SYT14: variants seen among roughly 807,000 people sequenced by gnomAD.
SYT14 encodes synaptotagmin-14.
In SYT14, 32 loss-of-function variants were observed where a neutral mutation model predicts 74.2. That is an observed-to-expected ratio of 0.43 (90% CI 0.33 to 0.58). The LOEUF is 0.58. Among genes scored for constraint, SYT14 ranks in the 20% least tolerant of loss-of-function variants. SYT14 has a pLI of 0.05. For missense variants in SYT14, 791 were observed against 981.8 expected (o/e 0.81, Z 2.60); for synonymous variants, 298 against 337.7 (o/e 0.88, Z 1.29).
At chr1:209,943,508 C>CAAAAAA (rs58806792) in intron 1 of SYT14, among the ~76,000 whole-genome samples, 51 of 59,338 alleles carry the variant, frequency 8.6e-4, no homozygotes, top group East Asian at 1.2e-3. Context: ...GATTCAATCT[C>CAAAAAA]AAAAAAAAAA....
intron 7 of SYT14, among the ~76,000 whole-genome samples, chr1:210,111,255 C>T (rs2082256777): frequency 1.3e-5 from 2 of 151,806 alleles, no homozygotes; most frequent in African/African-American, 4.8e-5. Flanking sequence ...AAATTACAGT[C>T]AAAGGGGGTT....
chr1:210,142,760 C>G lies in SYT14; in HGVS notation c.2035-12961C>G, dbSNP rs574355573. Among the ~76,000 whole-genome samples the G allele has an allele frequency of 9.9e-5, 15 of 151,108 alleles. No individual in the cohort carries two copies. In the South Asian group the frequency reaches 3.1e-3, roughly 31 times the overall value. On this transcript the variant is annotated intron_variant, in intron 7 of 9. Transcript: ENST00000637265. ...CTGTGCCTGCTCTCTGCACCCCTTCCTCCCCCATTTCCCACTGTTTGCATT... is the reference window on the plus strand; with the variant it reads ...CTGTGCCTGCTCTCTGCACCCCTTCGTCCCCCATTTCCCACTGTTTGCATT...
At chr1:209,990,177 T>A (rs149059534) in intron 2 of SYT14, among the ~76,000 whole-genome samples, 347 of 152,234 alleles carry the variant, frequency 2.3e-3, no homozygotes, top group African/African-American at 7.7e-3. Context: ...CCACCTTTCA[T>A]CTGTTTTTGT....
chr1:209,978,252 C>G (rs928110947), intron 2 of SYT14, among the ~76,000 whole-genome samples: 1 of 152,214 alleles, frequency 6.6e-6, no homozygotes, highest in Non-Finnish European at 1.5e-5. Flanking sequence ...TGGTGAGGAG[C>G]TGCGTTCCTT....
intron 7 of SYT14, among the ~76,000 whole-genome samples, chr1:210,116,633 C>T (rs2082366830): frequency 1.3e-5 from 2 of 152,230 alleles, no homozygotes; most frequent in Admixed American, 6.5e-5. Context: ...AGGCATGAGC[C>T]ACCATGCCCA....
chr1:210,064,132 G>A (rs191164316), intron 5 of SYT14, among the ~76,000 whole-genome samples: 1 of 152,006 alleles, frequency 6.6e-6, no homozygotes, highest in Admixed American at 6.6e-5. Context: ...AAGTGGGACT[G>A]CATATAACTT....
chr1:210,014,968 A>T, intron 3 of SYT14, among the ~76,000 whole-genome samples: 1 of 151,442 alleles, frequency 6.6e-6, no homozygotes, highest in South Asian at 2.1e-4. Flanking sequence ...GTTAAAACTG[A>T]GAAAATTTAA....
At chr1:210,094,287 T>G in intron 5 of SYT14, 35 bp from the exon 5 acceptor site, 1 of 1,613,584 alleles carries the variant, frequency 6.2e-7, no homozygotes, top group Non-Finnish European at 8.5e-7. Flanking sequence ...TTGAGGCTAA[T>G]TGGAAACAGT....
chr1:209,952,975 A>G (rs1250702687), intron 2 of SYT14: 2 of 1,363,432 alleles, frequency 1.5e-6, no homozygotes, highest in Non-Finnish European at 2.0e-6. Context: ...TGGGCTAATA[A>G]AGCCTGGTTT....
Position 209,993,203 on chromosome 1 carries a change from C to T in SYT14, c.-485-20430C>T, listed in dbSNP as rs192956792. Among the ~76,000 whole-genome samples the T allele has an allele frequency of 4.2e-4, 64 of 152,306 alleles. No homozygotes were observed. The East Asian group carries it at 0.012, about 29-fold the overall frequency. ...TCAGGAAGTGCCAGCCCCAACTGAC[C>T]TCTGAGCCAGAAAAGAGTGGGGCTG... On this transcript the variant is annotated intron_variant, in intron 2 of 9. Transcript: ENST00000637265.
chr1:210,013,561 T>C (rs1419312402), intron 2 of SYT14, 72 bp from the exon 3 acceptor site: 12 of 1,388,226 alleles, frequency 8.6e-6, no homozygotes, highest in Admixed American at 3.9e-5. Flanking sequence ...TAACTTAATG[T>C]TTGGGGTTTC....
At chr1:210,037,530 T>G (rs12751072) in intron 5 of SYT14, among the ~76,000 whole-genome samples, 3,546 of 34,036 alleles carry the variant, frequency 0.1, 61 homozygotes, top group African/African-American at 0.26. Flanking sequence ...GATTTTTCTG[T>G]TTTTTTTTTT....
chr1:209,965,826 C>G (rs2079147983), intron 2 of SYT14: 3 of 420,920 alleles, frequency 7.1e-6, no homozygotes, highest in Non-Finnish European at 1.4e-5. Flanking sequence ...TGCCTTTATC[C>G]TTTTGTATCA....
chr1:210,131,307 A>G (rs1558210522), intron 7 of SYT14, among the ~76,000 whole-genome samples: 1 of 152,040 alleles, frequency 6.6e-6, no homozygotes, highest in Non-Finnish European at 1.5e-5. Context: ...TTCATAATCC[A>G]TTTTGTCCCT....
intron 6 of SYT14, 142 bp downstream of exon 5, chr1:210,094,735 C>T (rs1202265301): frequency 9.5e-7 from 1 of 1,058,136 alleles, no homozygotes; most frequent in East Asian, 2.6e-5. Context: ...TTAATCTAAT[C>T]TTTATCCAAC....
At chr1:209,992,836 A>G (rs1281853269) in intron 2 of SYT14, among the ~76,000 whole-genome samples, 2 of 152,100 alleles carry the variant, frequency 1.3e-5, no homozygotes, top group Admixed American at 1.3e-4. Context: ...TCAAAGAGAA[A>G]AAGCTGAGAG....
chr1:210,039,455 A>G (rs1336358411), intron 5 of SYT14, among the ~76,000 whole-genome samples: 2 of 152,186 alleles, frequency 1.3e-5, no homozygotes, highest in African/African-American at 2.4e-5. Context: ...AGGCAATACC[A>G]TTCAGGACAT....
At chr1:210,098,441 C>A (rs1558187451) in intron 6 of SYT14, among the ~76,000 whole-genome samples, 2 of 152,180 alleles carry the variant, frequency 1.3e-5, no homozygotes, top group African/African-American at 2.4e-5. Context: ...TCCTTCTCTT[C>A]TGTTTCTCTG....
At chr1:210,024,782 A>C (rs963033219) in intron 5 of SYT14, among the ~76,000 whole-genome samples, 1 of 152,202 alleles carries the variant, frequency 6.6e-6, no homozygotes, top group Admixed American at 6.5e-5. Flanking sequence ...GGCATCATGT[A>C]AAGACACAAA....
Sources: allele counts gnomAD v4.1 joint callset (sites outside exome capture counted in the v4.1 genomes callset), GRCh38; gene constraint gnomAD v4.1.1; transcripts MANE v1.5; gene names NCBI Gene and HGNC (gene_info 2026-07-23, HGNC 2026-07-21).